The following PGCKA1 variants were observed in gnomAD, a reference collection of about 807,000 sequenced individuals.
PGCKA1 encodes the protein PDCD10 and GCKIII kinases associated 1.
chr4:37,506,393 G>A, the PGCKA1 span, among the ~76,000 whole-genome samples: 3 of 151,622 alleles, frequency 2.0e-5, no homozygotes, highest in Admixed American at 2.0e-4. Flanking sequence ...CTTTTTTGTT[G>A]ATGTAGGTAC....
At chr4:37,507,536 T>C in the PGCKA1 span, among the ~76,000 whole-genome samples, 79 of 152,056 alleles carry the variant, frequency 5.2e-4, 1 homozygote, top group Admixed American at 2.0e-4. Flanking sequence ...ATAAACAAAC[T>C]AACAAAAAGA....
the PGCKA1 span, among the ~76,000 whole-genome samples, chr4:37,550,542 C>A: frequency 7.2e-5 from 11 of 152,046 alleles, no homozygotes; most frequent in African/African-American, 2.7e-4. Context: ...AATCACAAAC[C>A]CCTCACACCC....
the PGCKA1 span, among the ~76,000 whole-genome samples, chr4:37,472,420 T>C: frequency 6.6e-6 from 1 of 152,150 alleles, no homozygotes; most frequent in Non-Finnish European, 1.5e-5. Flanking sequence ...GTTGAAAAAA[T>C]TTATTTCTTA....
chr4:37,492,912 C>G, the PGCKA1 span, among the ~76,000 whole-genome samples: 1 of 152,138 alleles, frequency 6.6e-6, no homozygotes. The surrounding 1 kb of genome is among the most constrained non-coding windows in gnomAD (Gnocchi z 4.7). Context: ...GTGCCACTGC[C>G]AGCCCTGGTT....
chr4:37,592,369 AAAAG>A, the PGCKA1 span, among the ~76,000 whole-genome samples: 2 of 151,536 alleles, frequency 1.3e-5, no homozygotes, highest in African/African-American at 2.4e-5. Context: ...AAAAAAAAAA[AAAAG>A]AGCTAGACTA....
At chr4:37,553,172 A>G in the PGCKA1 span, among the ~76,000 whole-genome samples, 3 of 150,840 alleles carry the variant, frequency 2.0e-5, 1 homozygote, top group Non-Finnish European at 4.4e-5. Flanking sequence ...TGCCCAACAA[A>G]TGAGTTATTT....
chr4:37,590,041 A>G, the PGCKA1 span: 1 of 1,372,924 alleles, frequency 7.3e-7, no homozygotes, highest in East Asian at 2.3e-5. Context: ...GGTAAAAAGC[A>G]TTAATGATGG....
chr4:37,458,324 G>A, the PGCKA1 span, among the ~76,000 whole-genome samples: 1 of 152,058 alleles, frequency 6.6e-6, no homozygotes, highest in African/African-American at 2.4e-5. Context: ...CCAAAACATA[G>A]CCACTGTTTA....
chr4:37,518,461 AT>A, the PGCKA1 span, among the ~76,000 whole-genome samples: 111 of 152,270 alleles, frequency 7.3e-4, no homozygotes, highest in African/African-American at 2.6e-3. Flanking sequence ...TATACAAGCC[AT>A]TTTAACTGGG....
the PGCKA1 span, among the ~76,000 whole-genome samples, chr4:37,522,117 A>G: frequency 1.2e-4 from 19 of 152,180 alleles, no homozygotes; most frequent in African/African-American, 4.6e-4. Flanking sequence ...GGAGCTCTAC[A>G]ATCAGCTGGT....
chr4:37,567,159 C>A, the PGCKA1 span, among the ~76,000 whole-genome samples: 1 of 152,182 alleles, frequency 6.6e-6, no homozygotes, highest in African/African-American at 2.4e-5. Flanking sequence ...ATAATACCTT[C>A]ACTATCCTAC....
chr4:37,562,756 C>G, the PGCKA1 span, among the ~76,000 whole-genome samples: 1 of 152,138 alleles, frequency 6.6e-6, no homozygotes, highest in Non-Finnish European at 1.5e-5. Context: ...AGTCATGTAT[C>G]TATATACTTG....
chr4:37,468,955 T>G, the PGCKA1 span, among the ~76,000 whole-genome samples: 63,359 of 152,086 alleles, frequency 0.42, 14,025 homozygotes, highest in Non-Finnish European at 0.49. Context: ...AGGATTTTGA[T>G]ATACAGTCAT....
At chr4:37,466,131 C>T in the PGCKA1 span, among the ~76,000 whole-genome samples, 1 of 152,186 alleles carries the variant, frequency 6.6e-6, no homozygotes, top group South Asian at 2.1e-4. Flanking sequence ...GGAAAAATAA[C>T]TTCTAACATC....
chr4:37,565,374 G>A, the PGCKA1 span, among the ~76,000 whole-genome samples: 1,376 of 152,134 alleles, frequency 9.0e-3, 21 homozygotes, highest in African/African-American at 0.029. Flanking sequence ...TCATGTAGAA[G>A]GGGGGGCTCT....
chr4:37,474,168 A>G, the PGCKA1 span, among the ~76,000 whole-genome samples: 246 of 152,312 alleles, frequency 1.6e-3, 1 homozygote, highest in African/African-American at 5.8e-3. Flanking sequence ...CCCTGCCATC[A>G]TGAATGGATT....
the PGCKA1 span, among the ~76,000 whole-genome samples, chr4:37,566,848 C>T: frequency 2.0e-5 from 3 of 152,318 alleles, no homozygotes; most frequent in Admixed American, 2.0e-4. Context: ...TCCCAAAGTG[C>T]TGGGATTACA....
the PGCKA1 span, among the ~76,000 whole-genome samples, chr4:37,517,256 AAT>A: frequency 6.8e-6 from 1 of 146,248 alleles, no homozygotes; most frequent in East Asian, 1.9e-4. Flanking sequence ...CATCTCAAAA[AAT>A]ATATATATAT....
the PGCKA1 span, among the ~76,000 whole-genome samples, chr4:37,552,084 G>A: frequency 6.6e-6 from 1 of 152,220 alleles, no homozygotes; most frequent in Admixed American, 6.5e-5. Context: ...AAGACAGGCA[G>A]CCCGGGGCCA....
Sources: allele counts gnomAD v4.1 joint callset (sites outside exome capture counted in the v4.1 genomes callset), GRCh38; gene constraint gnomAD v4.1.1; non-coding constraint Gnocchi (gnomAD v3.1); transcripts MANE v1.5; gene names NCBI Gene and HGNC (gene_info 2026-07-23, HGNC 2026-07-21).